RUNX1: variants seen among roughly 807,000 people sequenced by gnomAD.
The protein encoded by RUNX1 is RUNX family transcription factor 1.
A neutral mutation model predicts 42.8 loss-of-function variants in RUNX1; 19 were observed. The observed-to-expected ratio is 0.44, with a 90% confidence interval of 0.31 to 0.65. RUNX1 has a LOEUF of 0.65. Ranked by LOEUF, RUNX1 falls within the 30% of genes least tolerant of loss-of-function variation. The pLI is 0.07. For synonymous variants in RUNX1, 271 were observed against 289.4 expected (o/e 0.94, Z 0.64); for missense variants, 528 against 672.0 (o/e 0.79, Z 2.37).
At chr21:34,934,973 C>T (rs1297654987) in intron 2 of RUNX1, among the ~76,000 whole-genome samples, 1 of 151,982 alleles carries the variant, frequency 6.6e-6, no homozygotes. Context: ...CCTCTCTCTC[C>T]CTTACTGCTA....
At chr21:34,831,121 A>T (rs1470362702) in intron 7 of RUNX1, among the ~76,000 whole-genome samples, 5 of 152,276 alleles carry the variant, frequency 3.3e-5, no homozygotes, top group South Asian at 4.2e-4. Context: ...GAAATAAATT[A>T]AAAAAGAATT....
chr21:34,892,921 A>T lies in RUNX1; in HGVS notation c.97+4T>A, dbSNP rs754042987. On this transcript the variant is annotated splice_donor_region_variant and intron_variant, in intron 3 of 8. Transcript: ENST00000675419. ...TTAAAAATATAACTTGGAATTTAAC[A>T]TACCGTGGACGTCTCTAGAAGGATT... 2 of 1,540,838 alleles carry T rather than the reference A, an allele frequency of 1.3e-6. No individual in the cohort carries two copies. The highest frequency in any genetic ancestry group is 3.4e-5 in the Admixed American group (2 of 59,634).
intron 6 of RUNX1, chr21:34,856,466 T>A (rs779716394): frequency 1.2e-5 from 6 of 518,812 alleles, no homozygotes; most frequent in Non-Finnish European, 2.3e-5. Flanking sequence ...AAGAAATAGA[T>A]GATGTACAGA....
At chr21:34,912,878 C>A (rs933674551) in intron 2 of RUNX1, among the ~76,000 whole-genome samples, 2 of 152,222 alleles carry the variant, frequency 1.3e-5, no homozygotes, top group Non-Finnish European at 2.9e-5. Flanking sequence ...TGGCCTTTCA[C>A]TTGGGGTGGG....
At position 34,881,887 on chromosome 21, in the gene RUNX1, T is replaced by C. The variant is rs180936683; in HGVS notation, c.352-1174A>G. ...TGGCTGTATTTCCTTTGTTTCTATT[T>C]TTCAAAGCAGTCATACAACTTCAAA... On this transcript the variant is annotated intron_variant, in intron 4 of 8. Transcript: ENST00000675419. Among the ~76,000 whole-genome samples, 185 of 152,346 alleles carry C rather than the reference T, an allele frequency of 1.2e-3. 5 individuals carry two copies. Among genetic ancestry groups the C allele is most frequent in the Admixed American group, 0.011 (164 of 15,304 alleles).
intron 2 of RUNX1, among the ~76,000 whole-genome samples, chr21:34,902,427 A>T (rs756172299): frequency 2.0e-5 from 3 of 152,194 alleles, no homozygotes; most frequent in Non-Finnish European, 2.9e-5. Context: ...TGAAACAGCA[A>T]ATTTCTACAT....
chr21:34,922,679 C>G (rs1432238084), intron 2 of RUNX1, among the ~76,000 whole-genome samples: 1 of 152,168 alleles, frequency 6.6e-6, no homozygotes, highest in Non-Finnish European at 1.5e-5. Flanking sequence ...CTGCTGGAGT[C>G]CCCCCTGGTG....
At chr21:34,915,194 G>T (rs935679357) in intron 2 of RUNX1, among the ~76,000 whole-genome samples, 1 of 152,098 alleles carries the variant, frequency 6.6e-6, no homozygotes, top group African/African-American at 2.4e-5. Flanking sequence ...TGTAGAAAAA[G>T]TGTTTAAAAA....
chr21:35,012,535 T>C (rs1193979632), intron 2 of RUNX1, among the ~76,000 whole-genome samples: 2 of 152,206 alleles, frequency 1.3e-5, no homozygotes, highest in Non-Finnish European at 2.9e-5. Context: ...TTGAATGGTA[T>C]CCACTTTTAG....
chr21:34,948,742 C>T (rs8126870), intron 2 of RUNX1, among the ~76,000 whole-genome samples: 8,289 of 151,844 alleles, frequency 0.055, 721 homozygotes, highest in African/African-American at 0.19. Flanking sequence ...GAATTTCTTT[C>T]TTTTTTTTCC....
intron 2 of RUNX1, among the ~76,000 whole-genome samples, chr21:34,921,991 A>T (rs2058357695): frequency 6.6e-6 from 1 of 152,220 alleles, no homozygotes; most frequent in Admixed American, 6.5e-5. Context: ...CCCTTTTGAA[A>T]ATCTGTGGCA....
At chr21:34,902,997 T>C (rs1464232948) in intron 2 of RUNX1, among the ~76,000 whole-genome samples, 3 of 152,218 alleles carry the variant, frequency 2.0e-5, no homozygotes, top group African/African-American at 4.8e-5. Context: ...CCATTTCACA[T>C]AGGTTTTCTC....
chr21:34,867,331 T>C (rs2057676675), intron 5 of RUNX1, among the ~76,000 whole-genome samples: 1 of 152,144 alleles, frequency 6.6e-6, no homozygotes, highest in African/African-American at 2.4e-5. Flanking sequence ...TCCCAGCTAC[T>C]TGGGAGGCTG....
At chr21:34,989,013 T>TCTC (rs1350004933) in intron 2 of RUNX1, among the ~76,000 whole-genome samples, 1 of 133,512 alleles carries the variant, frequency 7.5e-6, no homozygotes, top group African/African-American at 3.9e-5. Context: ...TCTCTCTCTC[T>TCTC]CTTTTTTTTT....
At chr21:34,913,514 T>C (rs11911969) in intron 2 of RUNX1, among the ~76,000 whole-genome samples, 6,908 of 152,304 alleles carry the variant, frequency 0.045, 455 homozygotes, top group African/African-American at 0.15. Flanking sequence ...CTGCGTCAGC[T>C]GGACACCACA....
In RUNX1 at chr21:34,843,883, T is replaced by G. The variant is rs2057279173; in HGVS notation, c.614-9282A>C. On this transcript the variant is annotated intron_variant, in intron 6 of 8. Coordinates refer to ENST00000675419, the MANE Select transcript of RUNX1 (RefSeq NM_001754.5). This position sits in a 1 kb window ranked among gnomAD's most constrained non-coding sequence, Gnocchi z 4.8. ...TCACTGTCCATTTCTGTCTGGTGACTAAGGAGGTAACTTGAGCTCAGGGCA... is the reference window on the plus strand; with the variant it reads ...TCACTGTCCATTTCTGTCTGGTGACGAAGGAGGTAACTTGAGCTCAGGGCA... Among the ~76,000 whole-genome samples the G allele has an allele frequency of 6.6e-6, 1 of 152,218 alleles. No individual in the cohort carries two copies. Among genetic ancestry groups the G allele is most frequent in the South Asian group, 2.1e-4 (1 of 4,826 alleles).
At chr21:34,915,590 T>C (rs1051633189) in intron 2 of RUNX1, among the ~76,000 whole-genome samples, 3 of 152,244 alleles carry the variant, frequency 2.0e-5, no homozygotes, top group Admixed American at 6.5e-5. Context: ...AGAAGCATTC[T>C]ATGCAAATGT....
At chr21:34,945,508 C>T (rs1054142132) in intron 2 of RUNX1, among the ~76,000 whole-genome samples, 2 of 152,310 alleles carry the variant, frequency 1.3e-5, no homozygotes, top group African/African-American at 2.4e-5. Context: ...GCCCCAGGAA[C>T]CTGCTTTTTA....
rs2058233350 is a variant in RUNX1, at chr21:34,907,597, G to T, written c.59-14634C>A. On this transcript the variant is annotated intron_variant, in intron 2 of 8. Coordinates refer to ENST00000675419, the MANE Select transcript of RUNX1 (RefSeq NM_001754.5). This position sits in a 1 kb window ranked among gnomAD's most constrained non-coding sequence, Gnocchi z 5.3. ...AATTTGTTACTTGACTTGGTGTTTG[G>T]CTCCCTGTGACTCTCTGAAGTTCTC... Among the ~76,000 whole-genome samples, 1 of 151,816 alleles carries T rather than the reference G, an allele frequency of 6.6e-6. No homozygotes were observed. Among genetic ancestry groups the T allele is most frequent in the Admixed American group, 6.6e-5 (1 of 15,236 alleles).
Sources: allele counts gnomAD v4.1 joint callset (sites outside exome capture counted in the v4.1 genomes callset), GRCh38; gene constraint gnomAD v4.1.1; non-coding constraint Gnocchi (gnomAD v3.1); transcripts MANE v1.5; gene names NCBI Gene and HGNC (gene_info 2026-07-23, HGNC 2026-07-21).